Variants in TMEM132B observed in about 807,000 individuals in gnomAD.
TMEM132B encodes transmembrane protein 132B.
Under a neutral mutation model 90.8 loss-of-function variants are expected in TMEM132B, and 18 were observed. The ratio of observed to expected loss-of-function variants is 0.20; its 90% CI spans 0.14 to 0.29. TMEM132B has a LOEUF of 0.29. Ranked by LOEUF, TMEM132B falls within the 10% of genes least tolerant of loss-of-function variation. TMEM132B has a pLI of 1.00. For missense variants in TMEM132B, 1,096 were observed against 1,326.8 expected, an observed-to-expected ratio of 0.83 and a Z score of 2.70; for synonymous variants, 504 against 523.3, an observed-to-expected ratio of 0.96 and a Z score of 0.50.
At position 125,459,868 on chromosome 12, in the gene TMEM132B, A is replaced by G. The variant is rs1382027921; in HGVS notation, c.1106+44191A>G. 6.6e-6 allele frequency among the ~76,000 whole-genome samples: 1 copy of G among 152,162 alleles called. No individual in the cohort carries two copies. Among genetic ancestry groups the G allele is most frequent in the Non-Finnish European group, 1.5e-5 (1 of 68,030 alleles). On this transcript the variant is annotated intron_variant, in intron 3 of 8. Transcript: ENST00000682704. This position sits in a 1 kb window ranked among gnomAD's most constrained non-coding sequence, Gnocchi z 4.1. ...CATACTGTTTTCACGGTAGTGGATA[A>G]GTCTCATGAGATCTGATGATTTTAT...
At chr12:125,633,415 T>C (rs765804935) in intron 5 of TMEM132B, among the ~76,000 whole-genome samples, 10 of 152,270 alleles carry the variant, frequency 6.6e-5, no homozygotes, top group Non-Finnish European at 1.5e-4. Flanking sequence ...TTCTCCAGGA[T>C]TGGTCTCTTG....
At chr12:125,219,044 C>T (rs1210751567) in intron 1 of TMEM132B, among the ~76,000 whole-genome samples, 1 of 152,122 alleles carries the variant, frequency 6.6e-6, no homozygotes, top group African/African-American at 2.4e-5. Context: ...TGAATTTCAC[C>T]TCAATTTTAA....
intron 4 of TMEM132B, among the ~76,000 whole-genome samples, chr12:125,523,971 A>T (rs1883379422): frequency 6.6e-6 from 1 of 152,092 alleles, no homozygotes; most frequent in African/African-American, 2.4e-5. Context: ...CCCAGGGGGG[A>T]TGTGGACAGC....
chr12:125,631,654 ATC>A (rs1886371024), intron 5 of TMEM132B, among the ~76,000 whole-genome samples: 1 of 152,124 alleles, frequency 6.6e-6, no homozygotes, highest in Non-Finnish European at 1.5e-5. Flanking sequence ...TGCTTTATAT[ATC>A]TGAGTGCTCC....
chr12:125,194,424 A>G (rs184861005), intron 1 of TMEM132B, among the ~76,000 whole-genome samples: 31 of 152,218 alleles, frequency 2.0e-4, no homozygotes, highest in Non-Finnish European at 3.7e-4. Flanking sequence ...GACACATGAA[A>G]ATACTGCCGT....
chr12:125,421,195 T>C (rs189523154), intron 3 of TMEM132B, among the ~76,000 whole-genome samples: 6 of 152,350 alleles, frequency 3.9e-5, no homozygotes, highest in African/African-American at 1.4e-4. Context: ...GTTGCTTCCA[T>C]ATTTTTGGGT....
intron 2 of TMEM132B, among the ~76,000 whole-genome samples, chr12:125,393,948 C>T (rs906162676): frequency 3.3e-5 from 5 of 152,148 alleles, no homozygotes; most frequent in Admixed American, 6.5e-5. Context: ...AGAGAGAGGA[C>T]GAAGGAGCCT....
chr12:125,517,265 A>C (rs1274233686), intron 3 of TMEM132B, among the ~76,000 whole-genome samples: 4 of 134,480 alleles, frequency 3.0e-5, no homozygotes, highest in Admixed American at 2.5e-4. Flanking sequence ...GGTTCACCCC[A>C]TTCTCCTGCC....
chr12:125,524,828 G>T (rs1171996684), intron 4 of TMEM132B, among the ~76,000 whole-genome samples: 7 of 152,190 alleles, frequency 4.6e-5, no homozygotes, highest in Non-Finnish European at 8.8e-5. Context: ...ACAGCCAAAG[G>T]GTTTAGGGTG....
intron 4 of TMEM132B, among the ~76,000 whole-genome samples, chr12:125,575,864 C>A (rs1248060271): frequency 6.6e-6 from 1 of 152,040 alleles, no homozygotes; most frequent in Non-Finnish European, 1.5e-5. Flanking sequence ...GAAAATCAAT[C>A]TGCTGAAAAT....
At chr12:125,589,397 G>A (rs1027759886) in intron 5 of TMEM132B, among the ~76,000 whole-genome samples, 4 of 148,772 alleles carry the variant, frequency 2.7e-5, no homozygotes, top group Admixed American at 1.4e-4. Flanking sequence ...CAGGAGAATG[G>A]CGTGAACCCG....
At chr12:125,263,172 T>C (rs900717830) in intron 1 of TMEM132B, among the ~76,000 whole-genome samples, 2 of 152,216 alleles carry the variant, frequency 1.3e-5, no homozygotes, top group African/African-American at 4.8e-5. Context: ...TCTCCTGACT[T>C]TGAGGTCAGA....
intron 1 of TMEM132B, among the ~76,000 whole-genome samples, chr12:125,243,193 G>A (rs1011731236): frequency 6.6e-5 from 10 of 150,728 alleles, no homozygotes; most frequent in Admixed American, 2.6e-4. Flanking sequence ...ACCCAGGCTG[G>A]AGTGCAGTGG....
rs138927773 is a variant in TMEM132B, at chr12:125,460,020, C to T, written c.1106+44343C>T. 1.4e-4 allele frequency among the ~76,000 whole-genome samples: 21 copies of T among 152,270 alleles called. No homozygotes were observed. Among genetic ancestry groups the T allele is most frequent in the African/African-American group, 3.4e-4 (14 of 41,532 alleles). The stretch of plus-strand genomic sequence containing the variant: ...CATGTGGGAGTGTGAGCCCATGAAA[C>T]CTCTTTTTCTTTATAAATTACACAG... On this transcript the variant is annotated intron_variant, in intron 3 of 8. Transcript: ENST00000682704. This position sits in a 1 kb window ranked among gnomAD's most constrained non-coding sequence, Gnocchi z 4.4.
At chr12:125,552,179 T>C (rs2051571638) in intron 4 of TMEM132B, among the ~76,000 whole-genome samples, 1 of 152,212 alleles carries the variant, frequency 6.6e-6, no homozygotes, top group South Asian at 2.1e-4. Context: ...ATGATTACGT[T>C]ATTAGATCGT....
intron 3 of TMEM132B, among the ~76,000 whole-genome samples, chr12:125,416,135 T>C (rs1266405962): frequency 6.6e-6 from 1 of 152,170 alleles, no homozygotes; most frequent in Non-Finnish European, 1.5e-5. Flanking sequence ...CTGTCTTCTC[T>C]CGTTCAGACA....
At chr12:125,354,128 A>T (rs1388469634) in intron 2 of TMEM132B, among the ~76,000 whole-genome samples, 1 of 152,138 alleles carries the variant, frequency 6.6e-6, no homozygotes, top group Non-Finnish European at 1.5e-5. Flanking sequence ...GGAGAGGGAG[A>T]GGACCAGAGG....
intron 1 of TMEM132B, among the ~76,000 whole-genome samples, chr12:125,248,241 G>A (rs1874246889): frequency 6.6e-6 from 1 of 152,154 alleles, no homozygotes; most frequent in Non-Finnish European, 1.5e-5. Flanking sequence ...GAAAAATTAG[G>A]AGCTAGCAGG....
chr12:125,283,648 G>A (rs935712943), intron 1 of TMEM132B, among the ~76,000 whole-genome samples: 1 of 152,208 alleles, frequency 6.6e-6, no homozygotes, highest in African/African-American at 2.4e-5. Flanking sequence ...GTAAGATGTC[G>A]CGTCCAACAA....
Sources: gnomAD v4.1 joint callset for allele counts (sites outside exome capture counted in the v4.1 genomes callset) on GRCh38, gnomAD v4.1.1 for gene constraint, Gnocchi (gnomAD v3.1) non-coding constraint, MANE v1.5 for transcripts, NCBI Gene and HGNC (gene_info 2026-07-23, HGNC 2026-07-21) for gene names.